Variants in ICA1L observed in about 807,000 individuals in gnomAD.
ICA1L encodes islet cell autoantigen 1-like protein.
Under a neutral mutation model 61.3 loss-of-function variants are expected in ICA1L, and 50 were observed. The ratio of observed to expected loss-of-function variants is 0.82; its 90% CI spans 0.65 to 1.03. The LOEUF is 1.03. Among genes scored for constraint, ICA1L ranks in the 50% least tolerant of loss-of-function variants. The probability of loss-of-function intolerance (pLI) is 0.00; values close to 1 mark genes in which losing one functional copy is unlikely to be tolerated. For missense variants in ICA1L, 508 were observed against 556.7 expected, an observed-to-expected ratio of 0.91 and a Z score of 0.88; for synonymous variants, 161 against 191.3, an observed-to-expected ratio of 0.84 and a Z score of 1.31.
At chr2:202,793,106 G>C (rs1364820525) in intron 10 of ICA1L, among the ~76,000 whole-genome samples, 5 of 152,092 alleles carry the variant, frequency 3.3e-5, no homozygotes, top group African/African-American at 4.8e-5. Context: ...ATTAGGAACT[G>C]TTAGAATGGG....
chr2:202,860,100 T>A (rs1694870883), intron 1 of ICA1L: 1 of 151,846 alleles, frequency 6.6e-6, no homozygotes, highest in Non-Finnish European at 1.5e-5. Context: ...AGACCCTGTC[T>A]CTAAAAAAAA....
At chr2:202,825,244 G>A (rs1252606564) in intron 3 of ICA1L, among the ~76,000 whole-genome samples, 5 of 152,160 alleles carry the variant, frequency 3.3e-5, no homozygotes, top group African/African-American at 1.2e-4. Context: ...TGAGGCAGGA[G>A]GATCACTTGA....
chr2:202,788,967 TG>T lies in ICA1L; in HGVS notation c.1105del (p.Gln369ArgfsTer74), dbSNP rs745545559. The stretch of plus-strand genomic sequence containing the variant: ...GGCACTGGGGCTCCCAAAGGCAGTC[TG>T]GCATTCTTGGGTAAATTCACTAGTA... The part of the protein sequence containing the change: ...SSTSEFTQEC[Q>X]TAFGSPSASL... On this transcript the variant is annotated frameshift_variant, in exon 11 of 13. Coordinates refer to ENST00000358299, the MANE Select transcript of ICA1L (RefSeq NM_001288622.3). LOFTEE classifies it high-confidence loss of function. 4 of 1,614,194 alleles carry T rather than the reference TG, an allele frequency of 2.5e-6. No homozygotes were observed. Among genetic ancestry groups the T allele is most frequent in the Non-Finnish European group, 3.4e-6 (4 of 1,180,028 alleles).
At position 202,846,613 on chromosome 2, in the gene ICA1L, T is replaced by A. The variant is rs143173027; in HGVS notation, c.-7-17597A>T. Among the ~76,000 whole-genome samples, 32 of 152,234 alleles carry A rather than the reference T, an allele frequency of 2.1e-4. No individual in the cohort carries two copies. The East Asian group carries it at 5.8e-3, about 28-fold the overall frequency. On this transcript the variant is annotated intron_variant, in intron 1 of 12. Coordinates refer to ENST00000358299, the MANE Select transcript of ICA1L (RefSeq NM_001288622.3). ...AGGTCAGAGGCCTGTCCCTGAAGCC[T>A]AACACACCCAACACTGTAACAAGAC...
chr2:202,847,853 G>A (rs1417822003), intron 1 of ICA1L, among the ~76,000 whole-genome samples: 2 of 151,768 alleles, frequency 1.3e-5, no homozygotes, highest in African/African-American at 4.8e-5. Flanking sequence ...ACAGTGGGCT[G>A]GATAAAGAAA....
intron 1 of ICA1L, among the ~76,000 whole-genome samples, chr2:202,856,484 A>G (rs2105885494): frequency 6.6e-6 from 1 of 152,332 alleles, no homozygotes; most frequent in East Asian, 1.9e-4. Flanking sequence ...CATATCTCAA[A>G]ATAATAAAAG....
At chr2:202,786,725 T>C (rs1313730105) in intron 11 of ICA1L, 1 of 453,414 alleles carries the variant, frequency 2.2e-6, no homozygotes, top group African/African-American at 2.0e-5. Flanking sequence ...AGGAAATAAT[T>C]TAGCTGAAGG....
At chr2:202,797,832 A>G (rs999771081) in intron 9 of ICA1L, among the ~76,000 whole-genome samples, 1 of 152,012 alleles carries the variant, frequency 6.6e-6, no homozygotes, top group Non-Finnish European at 1.5e-5. Context: ...TCTCTTAACA[A>G]TTTTCAAGAA....
intron 9 of ICA1L, among the ~76,000 whole-genome samples, chr2:202,810,843 G>A (rs1255554780): frequency 2.0e-5 from 3 of 152,116 alleles, no homozygotes; most frequent in Non-Finnish European, 4.4e-5. Context: ...TCATAGCTGT[G>A]GGATGAAATA....
In ICA1L at chr2:202,801,024, A is replaced by AG. The variant is rs548793501; in HGVS notation, c.911-4061_911-4060insC. ...AAGATTTTAGTTGAATATAGGAAAA[A>AG]AAATAGAGGAGAAAATCTAGAAATG... On this transcript the variant is annotated intron_variant, in intron 9 of 12. Transcript: ENST00000358299. Among the ~76,000 whole-genome samples, 340 of 151,798 alleles carry AG rather than the reference A, an allele frequency of 2.2e-3. 2 individuals are homozygous for AG. The highest frequency in any genetic ancestry group is 4.5e-3 in the Admixed American group (68 of 15,242).
In ICA1L at chr2:202,781,129, TTA is replaced by T. The variant is rs1466211091; in HGVS notation, c.1334-1483_1334-1482del. ...AATAAAGGTCTGTCCGTTACATCTT[TTA>T]TAGAGGCTCTCCTTGTGTACACTAT... On this transcript the variant is annotated intron_variant, in intron 12 of 12. Transcript: ENST00000358299. Among the ~76,000 whole-genome samples the T allele has an allele frequency of 3.9e-5, 6 of 152,170 alleles. No homozygotes were observed. In the South Asian group the frequency reaches 6.2e-4, roughly 16 times the overall value.
intron 1 of ICA1L, among the ~76,000 whole-genome samples, chr2:202,850,134 C>T (rs577082059): frequency 1.3e-5 from 2 of 152,164 alleles, no homozygotes; most frequent in South Asian, 4.2e-4. Context: ...AAACCCCATC[C>T]AAAGGTCATC....
At chr2:202,863,562 C>T (rs1231490618) in intron 1 of ICA1L, among the ~76,000 whole-genome samples, 3 of 152,026 alleles carry the variant, frequency 2.0e-5, no homozygotes, top group Admixed American at 2.0e-4. Context: ...CGGTGGCTCA[C>T]GCCTGTAATC....
At chr2:202,841,936 A>T (rs1306006374) in intron 1 of ICA1L, among the ~76,000 whole-genome samples, 1 of 150,904 alleles carries the variant, frequency 6.6e-6, no homozygotes, top group African/African-American at 2.4e-5. Context: ...TTGGCTCCTT[A>T]ACCTCCCAGG....
intron 12 of ICA1L, among the ~76,000 whole-genome samples, chr2:202,785,029 G>A (rs995411040): frequency 6.6e-6 from 1 of 151,750 alleles, no homozygotes; most frequent in Non-Finnish European, 1.5e-5. Context: ...ACCATCCTGG[G>A]TAGCATAGTG....
intron 10 of ICA1L, among the ~76,000 whole-genome samples, chr2:202,793,344 T>A (rs1421070458): frequency 1.3e-5 from 2 of 151,652 alleles, no homozygotes; most frequent in Non-Finnish European, 2.9e-5. Flanking sequence ...TAGACCTAGA[T>A]GTTTTCATAG....
chr2:202,841,040 G>A, intron 1 of ICA1L: 1 of 657,616 alleles, frequency 1.5e-6, no homozygotes, highest in Non-Finnish European at 2.9e-6. Flanking sequence ...TGTTGTTCAT[G>A]CACAGCACCA....
chr2:202,798,347 T>C (rs1383676377), intron 9 of ICA1L, among the ~76,000 whole-genome samples: 1 of 152,110 alleles, frequency 6.6e-6, no homozygotes, highest in Non-Finnish European at 1.5e-5. Context: ...CCCACCTCAG[T>C]AGCTGGGACT....
Position 202,785,995 on chromosome 2 carries a change from T to C in ICA1L, c.1256A>G (p.Gln419Arg). ...TGAAAGACAAAGTTCTGATTCCTCT[T>C]GGGAGACCCAGTCTGGGATAAAAGA... ...VAGAFNNWVS[Q>R]EESELCLSHT... The change falls in exon 12 of 13, where the codon CAA becomes CGA. Residue 419 changes from glutamine to arginine, a missense_variant. Physicochemically the swap from Gln to Arg is conservative, Grantham distance 43. Transcript: ENST00000358299. 6.2e-7 allele frequency: 1 copy of C among 1,603,374 alleles called. No homozygotes were observed. The highest frequency in any genetic ancestry group is 1.1e-5 in the South Asian group (1 of 90,170).
Sources: gnomAD v4.1 joint callset for allele counts (sites outside exome capture counted in the v4.1 genomes callset) on GRCh38, gnomAD v4.1.1 for gene constraint, MANE v1.5 for transcripts, NCBI Gene and HGNC (gene_info 2026-07-23, HGNC 2026-07-21) for gene names.